The following MYCBP2 variants were observed in gnomAD, a reference collection of about 807,000 sequenced individuals.
The protein encoded by MYCBP2 is MYC binding protein 2, also known as E3 ubiquitin-protein ligase MYCBP2.
A neutral mutation model predicts 525.3 loss-of-function variants in MYCBP2; 120 were observed. The observed-to-expected ratio is 0.23, with a 90% CI of 0.20 to 0.27. MYCBP2 has a LOEUF of 0.27. MYCBP2 is among the 10% of genes least tolerant of loss of function. The pLI, the probability that MYCBP2 is intolerant of heterozygous loss-of-function variation, is 1.00. For synonymous variants in MYCBP2, 1,894 were observed against 1,955.8 expected, an observed-to-expected ratio of 0.97 and a Z score of 0.83; for missense variants, 4,149 against 5,657.1, an observed-to-expected ratio of 0.73 and a Z score of 8.55.
rs1593882772 is a variant in MYCBP2 at position 77,206,277 on chromosome 13, C to T, written c.3589+376G>A. On this transcript the variant is annotated intron_variant, in intron 24 of 82. Transcript: ENST00000544440. ...GAAAACTGTGTTATATAAGAAGAAACAGAAGATGTATATAAAATTCATTAC... is the reference window on the plus strand; with the variant it reads ...GAAAACTGTGTTATATAAGAAGAAATAGAAGATGTATATAAAATTCATTAC... 2.7e-5 allele frequency among the ~76,000 whole-genome samples: 4 copies of T among 150,778 alleles called. No homozygotes were observed. In the South Asian group the frequency reaches 8.3e-4, roughly 31 times the overall value.
At chr13:77,231,391 G>T (rs2067114155) in intron 18 of MYCBP2, among the ~76,000 whole-genome samples, 1 of 151,944 alleles carries the variant, frequency 6.6e-6, no homozygotes, top group Non-Finnish European at 1.5e-5. Flanking sequence ...CCACCACACT[G>T]GGCTTATTAT....
rs777629569 is a variant in MYCBP2, at chr13:77,083,105, G to C, written c.10963C>G (p.Arg3655Gly). ...AGGTCTGAGATGGTCTGCAGCAAGC[G>C]GTGAAAGGTGTGTGGTAAAGGATGA... ...AAHPLPHTFHRLLQTISDLMM... is the reference protein window; with the variant it reads ...AAHPLPHTFHGLLQTISDLMM... Residue 3655 changes from arginine (R) to glycine (G), a missense_variant, in exon 63 of 83, where the codon CGC becomes GGC. Arg to Gly is a moderately radical substitution (Grantham distance 125). This residue lies in a region of MYCBP2 where 509 missense variants were observed against 789.4 expected (regional missense o/e 0.64). Transcript: ENST00000544440. The C allele has an allele frequency of 1.2e-6, 2 of 1,613,606 alleles. No individual in the cohort carries two copies. Among genetic ancestry groups the C allele is most frequent in the Admixed American group, 3.3e-5 (2 of 59,972 alleles).
chr13:77,175,980 A>T (rs553518340), intron 36 of MYCBP2, among the ~76,000 whole-genome samples: 5 of 150,108 alleles, frequency 3.3e-5, no homozygotes, highest in South Asian at 2.1e-4. Context: ...ATAATAATTA[A>T]AAAAAAATAA....
intron 1 of MYCBP2, among the ~76,000 whole-genome samples, chr13:77,320,671 G>A (rs9593225): frequency 0.43 from 64,802 of 151,810 alleles, 17,389 homozygotes; most frequent in Non-Finnish European, 0.6. Context: ...AGTAGGTACC[G>A]TCTTACCCAA....
At position 77,083,175 on chromosome 13, in the gene MYCBP2, T is replaced by C. The variant is rs773808890; in HGVS notation, c.10893A>G (p.Val3631=). 8 of 1,612,458 alleles carry C rather than the reference T, an allele frequency of 5.0e-6. No homozygotes were observed. Among genetic ancestry groups the C allele is most frequent in the South Asian group, 1.1e-5 (1 of 90,832 alleles). ...ENSEQEKDTR[V]CEHPLSDIVI... ...CTATGTCTGAGAGTGGATGTTCACATACTCTTGTATCTTTCTCCTAAGGCA... is the reference window on the plus strand; with the variant it reads ...CTATGTCTGAGAGTGGATGTTCACACACTCTTGTATCTTTCTCCTAAGGCA... Residue 3631 remains valine (V), a synonymous_variant, in exon 63 of 83, where the codon GTA becomes GTG. Transcript: ENST00000544440.
chr13:77,295,557 T>C lies in MYCBP2; in HGVS notation c.378+1042A>G, dbSNP rs559331654. Among the ~76,000 whole-genome samples the C allele has an allele frequency of 7.2e-4, 109 of 152,348 alleles. No individual in the cohort carries two copies. In the South Asian group the frequency reaches 0.019, roughly 27 times the overall value. ...TGAAGTAGATTTCTCTCAGTTACAA[T>C]AGTAAAAACACTAACTTAAAAGTGT... On this transcript the variant is annotated intron_variant, in intron 2 of 82. Transcript: ENST00000544440.
Position 77,139,194 on chromosome 13 carries a change from AC to A in MYCBP2, c.7659+1del. ...TGCTTTTTAAAACCACCTTTTACTT[AC>A]GTCAACAGGGACCAGAAGACTCTTG... On this transcript the variant is annotated splice_donor_variant, in intron 52 of 82. Coordinates refer to ENST00000544440, the MANE Select transcript of MYCBP2 (RefSeq NM_015057.5). LOFTEE classifies it high-confidence loss of function. The A allele has an allele frequency of 6.2e-7, 1 of 1,611,674 alleles. No individual in the cohort carries two copies. Among genetic ancestry groups the A allele is most frequent in the Non-Finnish European group, 8.5e-7 (1 of 1,178,816 alleles).
At chr13:77,294,111 T>TATATATATATATACATATAC (rs2077815581) in intron 2 of MYCBP2, among the ~76,000 whole-genome samples, 1 of 54,470 alleles carries the variant, frequency 1.8e-5, no homozygotes, top group Non-Finnish European at 4.8e-5. Context: ...TGGCTATATA[T>TATATATATATATACATATAC]ATATATATAT....
Position 77,180,268 on chromosome 13 carries a change from T to C in MYCBP2, c.4992A>G (p.Lys1664=), listed in dbSNP as rs1052137670. ...GMTSFREVLE[K]MLVIVVLPVR... is the part of the protein sequence containing the mutation. ...CTGGTAGCACAACAATGACCAGCAT[T>C]TTCTCCAGAACTTCACGGAAGCTTG... The change falls in exon 34 of 83, where the codon AAA becomes AAG. Residue 1664 remains lysine (K), a synonymous_variant. Coordinates refer to ENST00000544440, the MANE Select transcript of MYCBP2 (RefSeq NM_015057.5). 2.5e-6 allele frequency: 4 copies of C among 1,614,172 alleles called. No individual in the cohort carries two copies. The South Asian group carries it at 3.3e-5, about 13-fold the overall frequency.
At chr13:77,083,638 A>T (rs1020118950) in intron 62 of MYCBP2, among the ~76,000 whole-genome samples, 4 of 151,932 alleles carry the variant, frequency 2.6e-5, no homozygotes, top group African/African-American at 9.7e-5. Context: ...TGTGAATTAG[A>T]AAAAAAAGCT....
chr13:77,215,219 T>TCGGTGGTCGCCG, intron 21 of MYCBP2, among the ~76,000 whole-genome samples: 1 of 152,104 alleles, frequency 6.6e-6, no homozygotes, highest in East Asian at 1.9e-4. Flanking sequence ...GAGGGGAATC[T>TCGGTGGTCGCCG]TAAACTGAAA....
intron 47 of MYCBP2, among the ~76,000 whole-genome samples, chr13:77,149,201 T>C (rs1038719118): frequency 6.6e-6 from 1 of 152,154 alleles, no homozygotes; most frequent in Non-Finnish European, 1.5e-5. Context: ...GTGTTGCTTC[T>C]TTGGCTAGTA....
chr13:77,144,282 C>T (rs1344186715), intron 49 of MYCBP2, 163 bp downstream of exon 49: 2 of 600,752 alleles, frequency 3.3e-6, no homozygotes, highest in Admixed American at 3.0e-5. Context: ...AATGTTAATG[C>T]ACTAATTAAA....
chr13:77,223,189 T>C (rs2065829775), intron 20 of MYCBP2, among the ~76,000 whole-genome samples: 1 of 152,142 alleles, frequency 6.6e-6, no homozygotes, highest in Non-Finnish European at 1.5e-5. Context: ...AGGACATTCG[T>C]CCCCTGGGGT....
intron 1 of MYCBP2, among the ~76,000 whole-genome samples, chr13:77,319,954 A>C (rs1472381852): frequency 6.6e-6 from 1 of 152,152 alleles, no homozygotes; most frequent in Non-Finnish European, 1.5e-5. Context: ...TTTATTGCGG[A>C]GTGCCCTCCG....
chr13:77,281,642 C>A (rs2154353248), intron 3 of MYCBP2, among the ~76,000 whole-genome samples: 1 of 152,180 alleles, frequency 6.6e-6, no homozygotes, highest in South Asian at 2.1e-4. Context: ...CAAATAATTA[C>A]CTGATACAGC....
chr13:77,248,193 G>C (rs2070418070), intron 15 of MYCBP2, among the ~76,000 whole-genome samples: 1 of 147,848 alleles, frequency 6.8e-6, no homozygotes, highest in Admixed American at 6.7e-5. Flanking sequence ...CACAACACTA[G>C]ATTGGGAAAT....
intron 45 of MYCBP2, among the ~76,000 whole-genome samples, chr13:77,157,062 TAAC>T (rs1187921209): frequency 6.6e-6 from 1 of 152,142 alleles, no homozygotes; most frequent in African/African-American, 2.4e-5. Flanking sequence ...AATAATCAAT[TAAC>T]AACTATAATA....
intron 28 of MYCBP2, among the ~76,000 whole-genome samples, chr13:77,190,949 G>C (rs2061240489): frequency 6.6e-6 from 1 of 152,098 alleles, no homozygotes; most frequent in Non-Finnish European, 1.5e-5. Context: ...TTATGCTCAG[G>C]AGTAATCAAG....
Sources: allele counts gnomAD v4.1 joint callset (sites outside exome capture counted in the v4.1 genomes callset), GRCh38; gene constraint gnomAD v4.1.1; regional missense constraint gnomAD v4.1.1; transcripts MANE v1.5; gene names NCBI Gene and HGNC (gene_info 2026-07-23, HGNC 2026-07-21).